The following CNTNAP2 variants were observed in gnomAD, a reference collection of about 807,000 sequenced individuals.
CNTNAP2 encodes the protein contactin-associated protein-like 2.
Under a neutral mutation model 155.2 loss-of-function variants are expected in CNTNAP2, and 98 were observed. The ratio of observed to expected loss-of-function variants is 0.63; its 90% CI spans 0.54 to 0.75. CNTNAP2 has a LOEUF of 0.75. Ranked by LOEUF, CNTNAP2 falls within the 30% of genes least tolerant of loss-of-function variation. CNTNAP2 has a pLI of 0.00. For synonymous variants in CNTNAP2, 651 were observed against 631.2 expected (o/e 1.03, Z -0.47); for missense variants, 1,727 against 1,688.1 (o/e 1.02, Z -0.40).
At chr7:146,607,168 A>G (rs1433479484) in intron 1 of CNTNAP2, among the ~76,000 whole-genome samples, 1 of 152,230 alleles carries the variant, frequency 6.6e-6, no homozygotes, top group East Asian at 1.9e-4. Flanking sequence ...CAAAATATGT[A>G]GAAACAGTGA....
At chr7:146,743,319 A>G (rs946719297) in intron 1 of CNTNAP2, among the ~76,000 whole-genome samples, 3 of 152,164 alleles carry the variant, frequency 2.0e-5, no homozygotes, top group African/African-American at 7.2e-5. Flanking sequence ...CCTTAAAGTT[A>G]AACCATCAGT....
At chr7:147,549,825 T>C (rs901749852) in intron 11 of CNTNAP2, among the ~76,000 whole-genome samples, 1 of 152,186 alleles carries the variant, frequency 6.6e-6, no homozygotes, top group Non-Finnish European at 1.5e-5. Flanking sequence ...TCTTCCCCCA[T>C]TTCTTATCAC....
At chr7:146,640,874 G>T (rs1490864619) in intron 1 of CNTNAP2, among the ~76,000 whole-genome samples, 1 of 152,158 alleles carries the variant, frequency 6.6e-6, no homozygotes, top group Admixed American at 6.5e-5. Flanking sequence ...ACTGTTAGAG[G>T]TAATGTGGAA....
intron 13 of CNTNAP2, among the ~76,000 whole-genome samples, chr7:147,754,692 C>A (rs1199639429): frequency 6.6e-6 from 1 of 151,404 alleles, no homozygotes; most frequent in African/African-American, 2.4e-5. Flanking sequence ...CATTGTATTA[C>A]ATAAGAAAAA....
intron 12 of CNTNAP2, among the ~76,000 whole-genome samples, chr7:147,564,817 A>G (rs1168910491): frequency 6.8e-6 from 1 of 147,810 alleles, no homozygotes; most frequent in Non-Finnish European, 1.5e-5. Context: ...TCTAAGGAGC[A>G]GAATACAACT....
intron 13 of CNTNAP2, among the ~76,000 whole-genome samples, chr7:147,810,363 T>C (rs1340202038): frequency 6.6e-6 from 1 of 151,886 alleles, no homozygotes; most frequent in Non-Finnish European, 1.5e-5. Context: ...AAATCTACTT[T>C]CTCCCTTATT....
chr7:148,052,094 G>A (rs372704594), intron 15 of CNTNAP2, among the ~76,000 whole-genome samples: 14 of 144,248 alleles, frequency 9.7e-5, no homozygotes, highest in East Asian at 2.1e-4. Flanking sequence ...AGCTGAGATC[G>A]CACCACTGCA....
At chr7:146,678,098 G>A (rs1800434924) in intron 1 of CNTNAP2, among the ~76,000 whole-genome samples, 2 of 152,054 alleles carry the variant, frequency 1.3e-5, no homozygotes, top group South Asian at 4.1e-4. Context: ...GACTTGCTCT[G>A]TCACCCAGGC....
chr7:147,861,793 A>G (rs973653475), intron 13 of CNTNAP2, among the ~76,000 whole-genome samples: 8 of 152,058 alleles, frequency 5.3e-5, no homozygotes, highest in Admixed American at 5.2e-4. Context: ...AGGCATGAGG[A>G]TCGCTTGAGG....
chr7:146,731,123 A>G (rs11769410), intron 1 of CNTNAP2, among the ~76,000 whole-genome samples: 9,285 of 152,214 alleles, frequency 0.061, 347 homozygotes, highest in African/African-American at 0.092. Flanking sequence ...AAGTCAAATC[A>G]CTAGTGAATG....
At chr7:146,856,223 AG>A (rs547457585) in intron 3 of CNTNAP2, among the ~76,000 whole-genome samples, 42 of 151,964 alleles carry the variant, frequency 2.8e-4, no homozygotes, top group Non-Finnish European at 5.6e-4. Flanking sequence ...TAGAGATGAT[AG>A]GTAGGTAGGT....
At chr7:146,520,313 C>CGTATATATAT (rs71175654) in intron 1 of CNTNAP2, among the ~76,000 whole-genome samples, 1 of 140,828 alleles carries the variant, frequency 7.1e-6, no homozygotes, top group African/African-American at 2.6e-5. Context: ...TAGATATATT[C>CGTATATATAT]ATATATATAT....
intron 1 of CNTNAP2, among the ~76,000 whole-genome samples, chr7:146,721,387 CATTCTATATACATTCTATATAT>C (rs1801306457): frequency 2.7e-5 from 3 of 109,778 alleles, no homozygotes; most frequent in East Asian, 2.5e-4. Context: ...ATTCTATATA[CATTCTATATACATTCTATATAT>C]ATTCTATATA....
At chr7:147,254,198 C>T (rs1369578554) in intron 8 of CNTNAP2, among the ~76,000 whole-genome samples, 3 of 151,990 alleles carry the variant, frequency 2.0e-5, no homozygotes, top group Non-Finnish European at 4.4e-5. Context: ...TCAGTGAAAA[C>T]TTCATTGTAT....
At chr7:147,193,978 G>T (rs369286240) in intron 8 of CNTNAP2, among the ~76,000 whole-genome samples, 4 of 151,798 alleles carry the variant, frequency 2.6e-5, no homozygotes, top group South Asian at 2.1e-4. Flanking sequence ...AAAAAAAAGT[G>T]GGGGGAGATA....
intron 1 of CNTNAP2, among the ~76,000 whole-genome samples, chr7:146,167,335 C>T (rs1344916328): frequency 1.3e-5 from 2 of 152,108 alleles, no homozygotes; most frequent in African/African-American, 4.8e-5. Context: ...AGAAGAGACT[C>T]AAATCAAATT....
At chr7:146,524,102 G>T (rs1797654112) in intron 1 of CNTNAP2, among the ~76,000 whole-genome samples, 1 of 152,044 alleles carries the variant, frequency 6.6e-6, no homozygotes, top group Non-Finnish European at 1.5e-5. Flanking sequence ...TTGCCATTCT[G>T]CTCACAAGAG....
intron 9 of CNTNAP2, among the ~76,000 whole-genome samples, chr7:147,378,561 C>A (rs968745612): frequency 4.6e-5 from 7 of 151,946 alleles, no homozygotes; most frequent in Non-Finnish European, 8.8e-5. Context: ...ATTAAAATAA[C>A]TGAACTCCTG....
At chr7:146,279,312 T>A (rs1409770882) in intron 1 of CNTNAP2, among the ~76,000 whole-genome samples, 1 of 152,144 alleles carries the variant, frequency 6.6e-6, no homozygotes, top group Non-Finnish European at 1.5e-5. Flanking sequence ...AACAAAGTTA[T>A]GCATTTTTAT....
Sources: allele counts gnomAD v4.1 joint callset (sites outside exome capture counted in the v4.1 genomes callset), GRCh38; gene constraint gnomAD v4.1.1; transcripts MANE v1.5; gene names NCBI Gene and HGNC (gene_info 2026-07-23, HGNC 2026-07-21).